The following TLK2 variants were observed in gnomAD, a reference collection of about 807,000 sequenced individuals.
TLK2 encodes serine/threonine-protein kinase tousled-like 2.
In TLK2, 6 loss-of-function variants were observed where a neutral mutation model predicts 117.3. The ratio of observed to expected loss-of-function variants is 0.05; its 90% CI spans 0.03 to 0.10. The LOEUF is 0.10. TLK2 is among the 10% of genes least tolerant of loss of function. The pLI is 1.00. For synonymous variants in TLK2, 257 were observed against 316.7 expected (o/e 0.81, Z 2.00); for missense variants, 299 against 901.2 (o/e 0.33, Z 8.56).
intron 16 of TLK2, 91 bp from the exon 17 acceptor site, chr17:62,596,494 A>G: frequency 2.1e-6 from 2 of 957,126 alleles, no homozygotes; most frequent in Non-Finnish European, 3.4e-6. Context: ...TGGAGACAAT[A>G]GAGAAATGAT....
chr17:62,569,116 C>T (rs1022464074), intron 11 of TLK2, among the ~76,000 whole-genome samples: 24 of 151,364 alleles, frequency 1.6e-4, no homozygotes, highest in Non-Finnish European at 2.5e-4. Flanking sequence ...ACCAGCCTGG[C>T]CAACATGGTG....
chr17:62,525,599 C>T (rs1312286502), intron 6 of TLK2, among the ~76,000 whole-genome samples: 7 of 152,036 alleles, frequency 4.6e-5, no homozygotes, highest in Non-Finnish European at 1.0e-4. Flanking sequence ...CAGGCATGTA[C>T]CACTACGCCC....
chr17:62,543,259 T>C (rs1158827672), intron 7 of TLK2, among the ~76,000 whole-genome samples: 1 of 152,250 alleles, frequency 6.6e-6, no homozygotes, highest in Non-Finnish European at 1.5e-5. Flanking sequence ...TACCAGTCGA[T>C]GGACATTTAG....
chr17:62,475,453 C>A (rs1013558371), upstream of TLK2, among the ~76,000 whole-genome samples: 9 of 152,168 alleles, frequency 5.9e-5, no homozygotes, highest in Non-Finnish European at 1.0e-4. Context: ...AGCGATTCTC[C>A]TGCCTCAGTC....
chr17:62,562,756 A>G (rs1373252082), intron 10 of TLK2, among the ~76,000 whole-genome samples: 2 of 152,172 alleles, frequency 1.3e-5, no homozygotes, highest in Non-Finnish European at 2.9e-5. Context: ...CAGTTTTTCT[A>G]TTTGAGATAA....
chr17:62,548,227 C>CAT lies in TLK2; in HGVS notation c.532-4062_532-4061dup, dbSNP rs760251145. 4.5e-3 allele frequency among the ~76,000 whole-genome samples: 590 copies of CAT among 132,226 alleles called. 4 individuals are homozygous for CAT. The highest frequency in any genetic ancestry group is 0.017 in the African/African-American group (570 of 34,032). 86.7% of individuals were successfully genotyped at this position (132,226 alleles called of 152,430 possible). ...TTTTGCATTTTACTTATCATTGGGCCATATATATATATATGTGTGTGTGTG... is the reference window on the plus strand; with the variant it reads ...TTTTGCATTTTACTTATCATTGGGCCATATATATATATATATGTGTGTGTGTG... On this transcript the variant is annotated intron_variant, in intron 7 of 21. Transcript: ENST00000346027.
chr17:62,579,085 G>GT (rs2081027344), intron 14 of TLK2, among the ~76,000 whole-genome samples: 1 of 152,084 alleles, frequency 6.6e-6, no homozygotes, highest in South Asian at 2.1e-4. Flanking sequence ...GTAGAAAGGG[G>GT]TTTTTATAAG....
At chr17:62,586,665 C>CA (rs1157743762) in intron 16 of TLK2, among the ~76,000 whole-genome samples, 4 of 151,832 alleles carry the variant, frequency 2.6e-5, no homozygotes, top group Non-Finnish European at 5.9e-5. Flanking sequence ...ACTAAAAATA[C>CA]AAAAAATTAG....
chr17:62,569,810 A>T (rs2080127383), intron 11 of TLK2, among the ~76,000 whole-genome samples: 1 of 152,140 alleles, frequency 6.6e-6, no homozygotes, highest in Non-Finnish European at 1.5e-5. Flanking sequence ...AGGTACCCGC[A>T]TTTCAGTTCC....
chr17:62,595,733 T>C (rs879819563), intron 16 of TLK2, among the ~76,000 whole-genome samples: 9 of 152,184 alleles, frequency 5.9e-5, no homozygotes, highest in Admixed American at 5.2e-4. Flanking sequence ...TTTCATATTT[T>C]ATTAGAATAA....
intron 11 of TLK2, among the ~76,000 whole-genome samples, chr17:62,570,159 T>C (rs1168198075): frequency 6.6e-6 from 1 of 152,216 alleles, no homozygotes. Context: ...ATTCACCCTA[T>C]TTCCAAATAA....
At chr17:62,556,827 TTATTTTAA>T (rs1464543645) in intron 9 of TLK2, among the ~76,000 whole-genome samples, 2 of 152,280 alleles carry the variant, frequency 1.3e-5, no homozygotes, top group African/African-American at 4.8e-5. Flanking sequence ...ATGTTATGTC[TTATTTTAA>T]TATGATTGCC....
chr17:62,602,833 G>C (rs1365084012), intron 19 of TLK2, among the ~76,000 whole-genome samples: 4 of 152,086 alleles, frequency 2.6e-5, no homozygotes, highest in African/African-American at 9.6e-5. Context: ...ATTACCTTTG[G>C]CCATTAGAAC....
intron 2 of TLK2, among the ~76,000 whole-genome samples, chr17:62,500,239 G>T (rs934323936): frequency 1.3e-5 from 2 of 151,554 alleles, no homozygotes; most frequent in Admixed American, 6.6e-5. Flanking sequence ...CTGGCTAATT[G>T]TATCTTTATA....
At chr17:62,549,419 A>AAAAGT (rs2078236116) in intron 7 of TLK2, among the ~76,000 whole-genome samples, 1 of 7,746 alleles carries the variant, frequency 1.3e-4, no homozygotes, top group Admixed American at 3.2e-3. Flanking sequence ...AAAAAAAAAA[A>AAAAGT]AAAAAAAAAA....
chr17:62,527,213 C>A, intron 6 of TLK2, among the ~76,000 whole-genome samples: 1 of 152,206 alleles, frequency 6.6e-6, no homozygotes, highest in Non-Finnish European at 1.5e-5. Flanking sequence ...CTCCCTTAGC[C>A]AACTTCTCTA....
intron 2 of TLK2, among the ~76,000 whole-genome samples, chr17:62,492,259 G>A (rs1212465421): frequency 1.3e-5 from 2 of 152,100 alleles, no homozygotes; most frequent in Non-Finnish European, 2.9e-5. Context: ...AACATGGGTT[G>A]CATACAATAA....
chr17:62,596,646 T>C lies in TLK2; in HGVS notation c.1522T>C (p.Tyr508His). 1 of 1,614,156 alleles carries C rather than the reference T, an allele frequency of 6.2e-7. No homozygotes were observed. The highest frequency in any genetic ancestry group is 8.5e-7 in the Non-Finnish European group (1 of 1,180,006). ...ELDHPRIVKL[Y>H]DYFSLDTDSF... is the part of the protein sequence containing the mutation. ...GGATCATCCCAGAATAGTTAAGCTG[T>C]ATGATTACTTTTCACTGGATACTGA... The change falls in exon 17 of 22, where the codon TAT becomes CAT. Residue 508 changes from tyrosine (Y) to histidine (H), a missense_variant. By Grantham distance (83) the Tyr-to-His change is moderately conservative. Around this residue, in one of 4 missense-constraint regions of TLK2, gnomAD observed 81 missense variants for 370.9 expected, o/e 0.22. Coordinates refer to ENST00000346027, the MANE Select transcript of TLK2 (RefSeq NM_006852.6).
intron 2 of TLK2, among the ~76,000 whole-genome samples, chr17:62,505,553 C>G (rs1452657092): frequency 6.6e-6 from 1 of 151,640 alleles, no homozygotes; most frequent in Non-Finnish European, 1.5e-5. Flanking sequence ...ACATGCAGCT[C>G]AAGACACCAG....
Sources: allele counts gnomAD v4.1 joint callset (sites outside exome capture counted in the v4.1 genomes callset), GRCh38; gene constraint gnomAD v4.1.1; regional missense constraint gnomAD v4.1.1; transcripts MANE v1.5; gene names NCBI Gene and HGNC (gene_info 2026-07-23, HGNC 2026-07-21).